The following ERC1 variants were observed in gnomAD, a reference collection of about 807,000 sequenced individuals.
The protein encoded by ERC1 is RAB6 interacting protein 2.
ERC1 carries 56 observed loss-of-function variants against 132.0 expected under a neutral mutation model. The observed-to-expected ratio is 0.42, with a 90% CI of 0.34 to 0.53. The LOEUF is 0.53. Ranked by LOEUF, ERC1 falls within the 20% of genes least tolerant of loss-of-function variation. The pLI, the probability that ERC1 is intolerant of heterozygous loss-of-function variation, is 0.03. For synonymous variants in ERC1, 478 were observed against 476.1 expected, an observed-to-expected ratio of 1.00 and a Z score of -0.05; for missense variants, 1,202 against 1,349.9, an observed-to-expected ratio of 0.89 and a Z score of 1.72.
intron 15 of ERC1, among the ~76,000 whole-genome samples, chr12:1,338,364 G>C (rs1195397318): frequency 3.3e-5 from 5 of 152,150 alleles, no homozygotes. Flanking sequence ...AATTCTTATA[G>C]TGTGTTTTTC....
At chr12:1,072,938 G>A (rs376504746) in intron 2 of ERC1, among the ~76,000 whole-genome samples, 2 of 152,060 alleles carry the variant, frequency 1.3e-5, no homozygotes, top group Non-Finnish European at 2.9e-5. Flanking sequence ...CATGATCTGC[G>A]TGCCTTGCCC....
intron 8 of ERC1, among the ~76,000 whole-genome samples, chr12:1,155,654 T>A (rs1223945853): frequency 2.0e-5 from 3 of 152,036 alleles, no homozygotes; most frequent in Non-Finnish European, 4.4e-5. Flanking sequence ...TTTTTTGTAT[T>A]TTTAGTAGAG....
chr12:1,091,380 C>T (rs1943200180), intron 3 of ERC1, among the ~76,000 whole-genome samples: 1 of 151,776 alleles, frequency 6.6e-6, no homozygotes, highest in Admixed American at 6.6e-5. Context: ...AGAGAAGAAG[C>T]CAGCTTTGCC....
rs779745639 is a variant in ERC1 at position 1,444,652 on chromosome 12, C to T, written c.3115C>T (p.Pro1039Ser). Reference sequence around the variant, plus strand: ...GACAACCCTCTGCCATGACCGAGACCCCCTGATCCTCCGTGGACTCACTCC... The same window carrying T: ...GACAACCCTCTGCCATGACCGAGACTCCCTGATCCTCCGTGGACTCACTCC... ...HLTTLCHDRD[P>S]LILRGLTPPA... The change falls in exon 18 of 19, where the codon CCC becomes TCC. Residue 1039 changes from proline to serine, a missense_variant. Transcript: ENST00000360905. The T allele has an allele frequency of 1.2e-6, 2 of 1,614,076 alleles. No homozygotes were observed. The highest frequency in any genetic ancestry group is 1.1e-5 in the South Asian group (1 of 91,086).
At chr12:1,138,030 TA>T (rs1383503804) in intron 7 of ERC1, among the ~76,000 whole-genome samples, 7 of 126,366 alleles carry the variant, frequency 5.5e-5, no homozygotes, top group South Asian at 2.3e-4. Context: ...ATATATTATA[TA>T]ATTATATATA....
At chr12:1,220,354 T>A (rs1185883574) in intron 12 of ERC1, among the ~76,000 whole-genome samples, 1 of 152,186 alleles carries the variant, frequency 6.6e-6, no homozygotes, top group African/African-American at 2.4e-5. Context: ...CTTAGCTGTA[T>A]TTAACTCTTG....
At chr12:1,474,097 G>C (rs151141489) in intron 18 of ERC1, among the ~76,000 whole-genome samples, 2 of 152,314 alleles carry the variant, frequency 1.3e-5, no homozygotes, top group Non-Finnish European at 2.9e-5. Flanking sequence ...ATTCAAGTTA[G>C]GGGCTTGTGG....
chr12:1,460,731 T>G (rs1349993564), intron 18 of ERC1, among the ~76,000 whole-genome samples: 5 of 151,542 alleles, frequency 3.3e-5, no homozygotes, highest in Admixed American at 1.3e-4. Flanking sequence ...GGTGGTGGTG[T>G]TTTTCTAACC....
At chr12:1,134,942 G>T (rs1281355607) in intron 7 of ERC1, among the ~76,000 whole-genome samples, 1 of 152,060 alleles carries the variant, frequency 6.6e-6, no homozygotes, top group Non-Finnish European at 1.5e-5. Context: ...TGGTCAGGCT[G>T]GTCTTGAACT....
intron 13 of ERC1, among the ~76,000 whole-genome samples, chr12:1,251,938 G>T (rs1396439445): frequency 6.6e-6 from 1 of 151,878 alleles, no homozygotes; most frequent in East Asian, 1.9e-4. Flanking sequence ...GCTCTTCTTG[G>T]TTTGCATTTG....
At position 1,202,622 on chromosome 12, in the gene ERC1, A is replaced by C. The variant is rs1337571823; in HGVS notation, c.2351+12570A>C. Among the ~76,000 whole-genome samples, 9 of 152,218 alleles carry C rather than the reference A, an allele frequency of 5.9e-5. No homozygotes were observed. The East Asian group carries it at 1.7e-3, about 29-fold the overall frequency. On this transcript the variant is annotated intron_variant, in intron 12 of 18. Transcript: ENST00000360905. ...CAGTGAGCCAAGATTGCGCCACTGC[A>C]CTCTAGCCTAGGTGACAGGTGAAAC... is the stretch of plus-strand genomic sequence containing the variant.
intron 8 of ERC1, among the ~76,000 whole-genome samples, chr12:1,147,462 T>G (rs1950485789): frequency 6.6e-6 from 1 of 152,210 alleles, no homozygotes; most frequent in African/African-American, 2.4e-5. Flanking sequence ...TCAAAACATT[T>G]TTCACTTCTC....
rs565139326 is a variant in ERC1, at chr12:1,406,878, TATAAC to T, written c.2926-1269_2926-1265del. Among the ~76,000 whole-genome samples the T allele has an allele frequency of 2.2e-4, 34 of 152,272 alleles. No individual in the cohort carries two copies. The East Asian group carries it at 6.2e-3, about 28-fold the overall frequency. ...TGACAGAATGAGACTCTCTCTAAAA[TATAAC>T]AAAGAAAACCCAAATTATCTTTAGT... On this transcript the variant is annotated intron_variant, in intron 16 of 18. Transcript: ENST00000360905.
intron 12 of ERC1, among the ~76,000 whole-genome samples, chr12:1,193,304 C>G (rs1278474376): frequency 6.6e-6 from 1 of 151,890 alleles, no homozygotes; most frequent in Non-Finnish European, 1.5e-5. Context: ...TTGGATAAGC[C>G]CATTAATACA....
rs934276740 is a variant in ERC1, at chr12:1,293,336, C to T, written c.2780+3324C>T. On this transcript the variant is annotated intron_variant, in intron 15 of 18. Transcript: ENST00000360905. ...GGCGTGGTGGCGGGCGCCTGTAGTC[C>T]CAGCTACTCGGGAGGCTGAGGCGGG... Among the ~76,000 whole-genome samples, 21 of 148,600 alleles carry T rather than the reference C, an allele frequency of 1.4e-4. 1 individual carries two copies. Among genetic ancestry groups the T allele is most frequent in the Admixed American group, 8.7e-4 (13 of 14,900 alleles).
intron 15 of ERC1, among the ~76,000 whole-genome samples, chr12:1,371,431 G>C (rs1277336083): frequency 6.6e-6 from 1 of 152,230 alleles, no homozygotes; most frequent in Non-Finnish European, 1.5e-5. Context: ...TGTGAACTTG[G>C]GCAAGCTGTG....
intron 16 of ERC1, among the ~76,000 whole-genome samples, chr12:1,396,097 A>C (rs954033612): frequency 2.2e-4 from 33 of 152,246 alleles, no homozygotes; most frequent in African/African-American, 7.7e-4. Context: ...TTGTGAAACT[A>C]GTGTAAGGAA....
chr12:1,413,501 C>G (rs973673845), intron 17 of ERC1, among the ~76,000 whole-genome samples: 1 of 151,846 alleles, frequency 6.6e-6, no homozygotes, highest in Admixed American at 6.6e-5. Flanking sequence ...GGCTGAGGCA[C>G]AAGAATCACT....
chr12:1,322,793 CTCCAGCCTGGCGACCTTAA>C (rs1040174471), intron 15 of ERC1, among the ~76,000 whole-genome samples: 4 of 152,128 alleles, frequency 2.6e-5, no homozygotes, highest in African/African-American at 9.7e-5. Context: ...TAACTTGGTT[CTCCAGCCTGGCGACCTTAA>C]TTTGTCCATT....
Sources: allele counts gnomAD v4.1 joint callset (sites outside exome capture counted in the v4.1 genomes callset), GRCh38; gene constraint gnomAD v4.1.1; transcripts MANE v1.5; gene names NCBI Gene and HGNC (gene_info 2026-07-23, HGNC 2026-07-21).